Variants in ANO2 observed in about 807,000 individuals in gnomAD.
The protein encoded by ANO2 is anoctamin-2.
ANO2 carries 101 observed loss-of-function variants against 124.2 expected under a neutral mutation model. The ratio of observed to expected loss-of-function variants is 0.81; its 90% confidence interval spans 0.69 to 0.96. The LOEUF (loss-of-function observed/expected upper bound fraction) is 0.96. Among genes scored for constraint, ANO2 ranks in the 40% least tolerant of loss-of-function variants. The pLI, the probability that ANO2 is intolerant of heterozygous loss-of-function variation, is 0.00. For missense variants in ANO2, 1,293 were observed against 1,274.5 expected (o/e 1.01, Z -0.22); for synonymous variants, 486 against 482.5 (o/e 1.01, Z -0.09).
intron 14 of ANO2, among the ~76,000 whole-genome samples, chr12:5,662,926 C>G (rs1410096645): frequency 1.3e-5 from 2 of 152,208 alleles, no homozygotes; most frequent in African/African-American, 4.8e-5. Context: ...CCCTGAGAGA[C>G]AAGTTGTCCA....
intron 21 of ANO2, 80 bp downstream of exon 21, chr12:5,578,286 C>A: frequency 6.5e-7 from 1 of 1,531,388 alleles, no homozygotes; most frequent in South Asian, 1.2e-5. Flanking sequence ...CTCTTGATTC[C>A]TGGTGTGGTG....
At chr12:5,672,760 T>C (rs1373671437) in intron 14 of ANO2, among the ~76,000 whole-genome samples, 1 of 152,162 alleles carries the variant, frequency 6.6e-6, no homozygotes, top group Non-Finnish European at 1.5e-5. Flanking sequence ...GGCAAGAGTC[T>C]AGAAATGAAC....
At chr12:5,918,489 G>A (rs533946019) in intron 3 of ANO2, among the ~76,000 whole-genome samples, 10 of 150,122 alleles carry the variant, frequency 6.7e-5, no homozygotes, top group Non-Finnish European at 1.3e-4. Flanking sequence ...GCCCAGGCTG[G>A]AGTGCAGTGG....
intron 10 of ANO2, among the ~76,000 whole-genome samples, chr12:5,753,988 T>C (rs1012102017): frequency 1.3e-5 from 2 of 152,210 alleles, no homozygotes; most frequent in Non-Finnish European, 2.9e-5. Context: ...TTTTTTACTA[T>C]TGAATATGAT....
chr12:5,753,616 G>A (rs2080107), intron 10 of ANO2, among the ~76,000 whole-genome samples: 21,527 of 151,932 alleles, frequency 0.14, 1,873 homozygotes, highest in African/African-American at 0.25. Context: ...CACCCTCTTA[G>A]TTAAACTTAT....
At chr12:5,743,472 C>CGTGTGTGTGTGT (rs112084814) in intron 12 of ANO2, among the ~76,000 whole-genome samples, 2 of 149,454 alleles carry the variant, frequency 1.3e-5, no homozygotes, top group African/African-American at 2.5e-5. Flanking sequence ...TGAGAATAGG[C>CGTGTGTGTGTGT]GTGTGTGTGT....
Position 5,921,376 on chromosome 12 carries a change from G to A in ANO2, c.208-10C>T. On this transcript the variant is annotated splice_polypyrimidine_tract_variant and intron_variant, in intron 2 of 24. Coordinates refer to ENST00000682330, the MANE Select transcript of ANO2 (RefSeq NM_001364791.2). ...GATAGTTGTTGATGACCTGGCCAGA[G>A]AGAGAGGAGAGGCAGGGCAAGGTCT... 2 of 1,611,080 alleles carry A rather than the reference G, an allele frequency of 1.2e-6. No individual in the cohort carries two copies.
intron 23 of ANO2, among the ~76,000 whole-genome samples, chr12:5,573,134 G>C (rs1160280791): frequency 2.6e-5 from 4 of 152,192 alleles, no homozygotes; most frequent in African/African-American, 9.7e-5. Flanking sequence ...CAGTGGAACT[G>C]GGAGGTGGGC....
intron 14 of ANO2, among the ~76,000 whole-genome samples, chr12:5,712,686 C>T (rs1472173832): frequency 6.6e-6 from 1 of 152,154 alleles, no homozygotes; most frequent in African/African-American, 2.4e-5. Context: ...AAGAGCTAAG[C>T]CTGCCCAGAG....
intron 14 of ANO2, among the ~76,000 whole-genome samples, chr12:5,723,923 C>T (rs1244999335): frequency 1.3e-5 from 2 of 152,050 alleles, no homozygotes; most frequent in African/African-American, 2.4e-5. Context: ...CTTATCAGAC[C>T]GGCTCAGGGA....
Position 5,572,946 on chromosome 12 carries a change from C to T in ANO2, c.2621+2888G>A, listed in dbSNP as rs1247165883. Among the ~76,000 whole-genome samples, 10 of 152,136 alleles carry T rather than the reference C, an allele frequency of 6.6e-5. No homozygotes were observed. In the East Asian group the frequency reaches 9.7e-4, roughly 15 times the overall value. On this transcript the variant is annotated intron_variant, in intron 23 of 24. Coordinates refer to ENST00000682330, the MANE Select transcript of ANO2 (RefSeq NM_001364791.2). ...CAACTATCAGAGCCTTATAGCTGGC[C>T]GGAAAATCCAGTGACTCTGAAGGCA...
intron 1 of ANO2, among the ~76,000 whole-genome samples, chr12:5,930,934 G>A (rs1390927604): frequency 6.6e-6 from 1 of 152,078 alleles, no homozygotes; most frequent in East Asian, 1.9e-4. Context: ...CTCAGAATTA[G>A]CCCTCTCTCT....
intron 2 of ANO2, among the ~76,000 whole-genome samples, chr12:5,922,081 C>T (rs1565781619): frequency 6.6e-6 from 1 of 150,786 alleles, no homozygotes. Flanking sequence ...CTGGTGAGGG[C>T]CCTTTCAAAG....
chr12:5,785,059 C>CCAG (rs1229539803), intron 10 of ANO2, among the ~76,000 whole-genome samples: 1 of 152,170 alleles, frequency 6.6e-6, no homozygotes, highest in East Asian at 1.9e-4. Context: ...ATGGCATTCC[C>CCAG]CAGCTCCACC....
chr12:5,718,143 G>A (rs1219457149), intron 14 of ANO2, among the ~76,000 whole-genome samples: 1 of 152,216 alleles, frequency 6.6e-6, no homozygotes, highest in Non-Finnish European at 1.5e-5. Flanking sequence ...AGCTCGAGAG[G>A]GAAAGAACAC....
intron 15 of ANO2, among the ~76,000 whole-genome samples, chr12:5,644,982 G>A (rs539586267): frequency 1.9e-4 from 29 of 152,196 alleles, no homozygotes; most frequent in African/African-American, 6.3e-4. Context: ...GGCTGCTTTT[G>A]AGACTTTTCT....
chr12:5,810,625 T>C (rs913625665), intron 7 of ANO2, among the ~76,000 whole-genome samples: 7 of 152,214 alleles, frequency 4.6e-5, no homozygotes, highest in African/African-American at 1.4e-4. Context: ...AAGAAAGTGC[T>C]GAGGACATTT....
intron 3 of ANO2, among the ~76,000 whole-genome samples, chr12:5,893,145 TATA>T (rs1214699409): frequency 6.6e-6 from 1 of 151,976 alleles, no homozygotes; most frequent in Non-Finnish European, 1.5e-5. Flanking sequence ...ATTTCTAGAA[TATA>T]ATATCAGAAA....
At chr12:5,622,715 G>A (rs1945172735) in intron 16 of ANO2, among the ~76,000 whole-genome samples, 1 of 152,182 alleles carries the variant, frequency 6.6e-6, no homozygotes, top group African/African-American at 2.4e-5. Flanking sequence ...GCTCATCCCA[G>A]CACTTTGGGA....
Sources: gnomAD v4.1 joint callset for allele counts (sites outside exome capture counted in the v4.1 genomes callset) on GRCh38, gnomAD v4.1.1 for gene constraint, MANE v1.5 for transcripts, NCBI Gene and HGNC (gene_info 2026-07-23, HGNC 2026-07-21) for gene names.